Variants in SAMSN1 observed in about 807,000 individuals in gnomAD.
SAMSN1 encodes SAM domain-containing protein SAMSN-1.
A neutral mutation model predicts 42.0 loss-of-function variants in SAMSN1; 31 were observed. The ratio of observed to expected loss-of-function variants is 0.74; its 90% CI spans 0.55 to 1.00. The LOEUF (loss-of-function observed/expected upper bound fraction) is 1.00. Ranked by LOEUF, SAMSN1 falls within the 50% of genes least tolerant of loss-of-function variation. The pLI is 0.00. For missense variants in SAMSN1, 464 were observed against 439.4 expected, an observed-to-expected ratio of 1.06 and a Z score of -0.50; for synonymous variants, 178 against 151.9, an observed-to-expected ratio of 1.17 and a Z score of -1.26.
chr21:14,555,601 C>T (rs1980739710), intron 2 of SAMSN1, among the ~76,000 whole-genome samples: 1 of 152,102 alleles, frequency 6.6e-6, no homozygotes, highest in African/African-American at 2.4e-5. Flanking sequence ...CCATTGAAGC[C>T]CATTCTTACA....
intron 2 of SAMSN1, among the ~76,000 whole-genome samples, chr21:14,565,058 G>A (rs550347356): frequency 1.3e-5 from 2 of 152,200 alleles, no homozygotes; most frequent in East Asian, 3.9e-4. Context: ...ACTTTGGGAG[G>A]CTGAGGTGGG....
chr21:14,531,940 T>C (rs1979290890), intron 1 of SAMSN1, among the ~76,000 whole-genome samples: 1 of 152,218 alleles, frequency 6.6e-6, no homozygotes, highest in Non-Finnish European at 1.5e-5. Flanking sequence ...CATTCTGTGA[T>C]CTCCTTGAAC....
chr21:14,649,772 AAC>A (rs60905314), intron 1 of SAMSN1, among the ~76,000 whole-genome samples: 63,549 of 135,584 alleles, frequency 0.47, 15,727 homozygotes, highest in Middle Eastern at 0.6. Flanking sequence ...ACTGTCTCAA[AAC>A]ACACACACAC....
rs11910340 is a variant in SAMSN1 at position 14,588,751 on chromosome 21, G to A, written c.466-4975C>T. 2.6e-3 allele frequency among the ~76,000 whole-genome samples: 387 copies of A among 151,582 alleles called. 3 individuals carry two copies. The highest frequency in any genetic ancestry group is 9.0e-3 in the African/African-American group (371 of 41,414). On this transcript the variant is annotated intron_variant, in intron 7 of 15. Transcript: ENST00000647101. ...TTGAATGTCCATAACTAAGAGTTTC[G>A]TCTATTCTATCTCCAAAATGTATCT...
At chr21:14,493,574 A>AACACACACACACACAC (rs201460166) in intron 7 of SAMSN1, among the ~76,000 whole-genome samples, 20 of 102,200 alleles carry the variant, frequency 2.0e-4, no homozygotes, top group African/African-American at 5.4e-4. Context: ...TTTATGGAAC[A>AACACACACACACACAC]ACACACACAC....
chr21:14,508,466 C>T (rs1212938205), intron 5 of SAMSN1, among the ~76,000 whole-genome samples: 1 of 152,160 alleles, frequency 6.6e-6, no homozygotes, highest in African/African-American at 2.4e-5. Flanking sequence ...TGCTCAACAT[C>T]ACTAATGATG....
chr21:14,658,149 A>G (rs1031038199), intron 1 of SAMSN1, among the ~76,000 whole-genome samples: 4 of 151,882 alleles, frequency 2.6e-5, no homozygotes, highest in Non-Finnish European at 5.9e-5. Flanking sequence ...TGACTACCTG[A>G]TAACTTTCAC....
At chr21:14,656,785 TC>T (rs1396970095) in intron 1 of SAMSN1, among the ~76,000 whole-genome samples, 1 of 151,874 alleles carries the variant, frequency 6.6e-6, no homozygotes, top group Non-Finnish European at 1.5e-5. Flanking sequence ...TTTACAATTT[TC>T]CCCTACACTT....
intron 2 of SAMSN1, among the ~76,000 whole-genome samples, chr21:14,632,081 C>T (rs457036): frequency 0.8 from 120,947 of 152,124 alleles, 48,514 homozygotes; most frequent in Middle Eastern, 0.88. Flanking sequence ...CTGACTAACA[C>T]AGGGAAACAG....
intron 5 of SAMSN1, among the ~76,000 whole-genome samples, chr21:14,607,721 T>A (rs1283930405): frequency 6.6e-6 from 1 of 152,224 alleles, no homozygotes; most frequent in Non-Finnish European, 1.5e-5. Context: ...ATTCCGTGCC[T>A]ATTATTCCCA....
chr21:14,561,855 G>A (rs998195695), intron 2 of SAMSN1, among the ~76,000 whole-genome samples: 1 of 152,174 alleles, frequency 6.6e-6, no homozygotes, highest in Non-Finnish European at 1.5e-5. Context: ...ATGGAGGCAG[G>A]AAGTGGAATT....
At chr21:14,614,553 C>T (rs569378903) in intron 3 of SAMSN1, among the ~76,000 whole-genome samples, 5 of 152,276 alleles carry the variant, frequency 3.3e-5, no homozygotes, top group East Asian at 1.9e-4. Context: ...GTCATGTGCT[C>T]GCTTCGGCAG....
chr21:14,498,443 T>C lies in SAMSN1; in HGVS notation c.918A>G (p.Glu306=), dbSNP rs1986999555. 6.2e-7 allele frequency: 1 copy of C among 1,609,620 alleles called. No individual in the cohort carries two copies. The highest frequency in any genetic ancestry group is 8.5e-7 in the Non-Finnish European group (1 of 1,178,624). ...AGAAGAGTAGGTGTACACACTTACTTTCTTCTTCAAGGAAGTTTTCAGCAG... is the reference window on the plus strand; with the variant it reads ...AGAAGAGTAGGTGTACACACTTACTCTCTTCTTCAAGGAAGTTTTCAGCAG... ...LSAAENFLEE[E]IIQEQENEPE... is the part of the protein sequence containing the mutation. Residue 306 remains glutamate (E), a splice_region_variant and synonymous_variant, in exon 7 of 8, where the codon GAA becomes GAG. Transcript: ENST00000400566.
intron 2 of SAMSN1, chr21:14,582,017 C>T (rs1981747895): frequency 8.3e-6 from 8 of 960,520 alleles, no homozygotes; most frequent in South Asian, 2.2e-5. Flanking sequence ...ACAACTCTTG[C>T]TCTGGTAACT....
At chr21:14,588,977 A>G (rs1004138675) in intron 7 of SAMSN1, among the ~76,000 whole-genome samples, 4 of 152,170 alleles carry the variant, frequency 2.6e-5, no homozygotes, top group Non-Finnish European at 5.9e-5. Context: ...TATATTTAAC[A>G]TGTATATACT....
intron 2 of SAMSN1, among the ~76,000 whole-genome samples, chr21:14,571,363 A>G (rs1452798021): frequency 6.6e-6 from 1 of 152,180 alleles, no homozygotes; most frequent in African/African-American, 2.4e-5. Context: ...ATGGGCTTCC[A>G]CTGGGGTTGG....
intron 2 of SAMSN1, among the ~76,000 whole-genome samples, chr21:14,577,234 GTGTGTATATATATATATATATA>G (rs1348018447): frequency 2.0e-3 from 43 of 21,312 alleles, no homozygotes; most frequent in East Asian, 4.9e-3. Context: ...TTATATATAT[GTGTGTATATATATATATATATA>G]TATATATATA....
chr21:14,537,155 C>T (rs117698505), intron 1 of SAMSN1, among the ~76,000 whole-genome samples: 2 of 152,312 alleles, frequency 1.3e-5, no homozygotes, highest in African/African-American at 4.8e-5. Flanking sequence ...CTCTTTGCGG[C>T]GGCTCTTCCC....
rs561195652 is a variant in SAMSN1 at position 14,541,441 on chromosome 21, G to T, written c.57+4764C>A. 5.3e-5 allele frequency among the ~76,000 whole-genome samples: 8 copies of T among 152,076 alleles called. 1 individual carries two copies. Among genetic ancestry groups the T allele is most frequent in the African/African-American group, 1.9e-4 (8 of 41,468 alleles). Reference sequence around the variant, plus strand: ...TGATGGCTTTGAATGTGGCCTTGACGGCTTTGCATGTGGCCCCACACAAAT... The same window carrying T: ...TGATGGCTTTGAATGTGGCCTTGACTGCTTTGCATGTGGCCCCACACAAAT... On this transcript the variant is annotated intron_variant, in intron 1 of 7. Transcript: ENST00000400566.
Sources: allele counts gnomAD v4.1 joint callset (sites outside exome capture counted in the v4.1 genomes callset), GRCh38; gene constraint gnomAD v4.1.1; transcripts MANE v1.5; gene names NCBI Gene and HGNC (gene_info 2026-07-23, HGNC 2026-07-21).